Variants in CEP290 observed in about 807,000 individuals in gnomAD.
The protein encoded by CEP290 is centrosomal protein 290, also known as centrosomal protein of 290 kDa.
Under a neutral mutation model 344.9 loss-of-function variants are expected in CEP290, and 317 were observed. The observed-to-expected ratio is 0.92, with a 90% CI of 0.84 to 1.01. The LOEUF is 1.01. Among genes scored for constraint, CEP290 ranks in the 50% least tolerant of loss-of-function variants. The probability of loss-of-function intolerance (pLI) is 0.00; values close to 1 mark genes in which losing one functional copy is unlikely to be tolerated. For synonymous variants in CEP290, 932 were observed against 895.8 expected (o/e 1.04, Z -0.72); for missense variants, 2,754 against 2,761.4 (o/e 1.00, Z 0.06).
chr12:88,140,038 G>A (rs1001239043), intron 3 of CEP290, among the ~76,000 whole-genome samples: 7 of 152,100 alleles, frequency 4.6e-5, no homozygotes, highest in African/African-American at 1.2e-4. Context: ...TTACAGACGT[G>A]AGCCACCATG....
At chr12:88,139,611 G>A (rs2040528902) in intron 3 of CEP290, 47 bp from the exon 4 acceptor site, 4 of 1,311,328 alleles carry the variant, frequency 3.1e-6, no homozygotes, top group Admixed American at 5.4e-5. Context: ...ATACTGGAAT[G>A]TAAGCACTGA....
In CEP290 at chr12:88,093,740, A is replaced by G. The variant is rs1186484425; in HGVS notation, c.3309+30T>C. 3 of 1,482,998 alleles carry G rather than the reference A, an allele frequency of 2.0e-6. No homozygotes were observed. The South Asian group carries it at 3.6e-5, about 18-fold the overall frequency. The allele number at this position is 1,482,998 out of a possible 1,614,324, so 91.9% of individuals were successfully genotyped here. ...TACCAAAACTAATTCTTTATTCTAT[A>G]ATTGTATGATAAAACTTATAATATC... On this transcript the variant is annotated intron_variant, in intron 28 of 53. Transcript: ENST00000552810.
chr12:88,086,508 G>A lies in CEP290; in HGVS notation c.4195-10C>T. 2 of 1,569,620 alleles carry A rather than the reference G, an allele frequency of 1.3e-6. No individual in the cohort carries two copies. Among genetic ancestry groups the A allele is most frequent in the Non-Finnish European group, 1.7e-6 (2 of 1,153,662 alleles). ...GTCTTTCTTCATGAAACTAAAAAAA[G>A]GACAATTTGTGTCAGACACATACAC... On this transcript the variant is annotated splice_polypyrimidine_tract_variant and intron_variant, in intron 32 of 53. Coordinates refer to ENST00000552810, the MANE Select transcript of CEP290 (RefSeq NM_025114.4).
chr12:88,116,861 C>G (rs1398985850), intron 18 of CEP290, among the ~76,000 whole-genome samples, 172 bp downstream of exon 18: 2 of 151,312 alleles, frequency 1.3e-5, no homozygotes, highest in African/African-American at 4.9e-5. Context: ...GTAGTCCCAG[C>G]TACTTGGGAG....
intron 13 of CEP290, among the ~76,000 whole-genome samples, chr12:88,122,048 T>C (rs1302732549): frequency 6.6e-6 from 1 of 152,174 alleles, no homozygotes; most frequent in African/African-American, 2.4e-5. Flanking sequence ...TATAAGCATT[T>C]ACTAATATAT....
intron 45 of CEP290, among the ~76,000 whole-genome samples, chr12:88,063,537 A>G (rs1227561992): frequency 6.6e-6 from 1 of 151,758 alleles, no homozygotes; most frequent in East Asian, 1.9e-4. Context: ...TATCTGTATG[A>G]CTCACTTCCT....
rs750741976 is a variant in CEP290, at chr12:88,071,406, T to C, written c.5899A>G (p.Thr1967Ala). 2 of 1,611,530 alleles carry C rather than the reference T, an allele frequency of 1.2e-6. No homozygotes were observed. Among genetic ancestry groups the C allele is most frequent in the Non-Finnish European group, 8.5e-7 (1 of 1,179,018 alleles). Residue 1967 changes from threonine to alanine, a missense_variant, in exon 43 of 54, where the codon ACT (threonine) becomes GCT (alanine). Thr to Ala is a moderately conservative substitution (Grantham distance 58, BLOSUM62 0). Coordinates refer to ENST00000552810, the MANE Select transcript of CEP290 (RefSeq NM_025114.4). The part of the protein sequence containing the change: ...KLTLQRKLKT[T>A]GMTVDQVLGI... ...AAAACCTGATCAACAGTCATGCCAG[T>C]TGTTTTTAGTTTCCTCTGCAAAGTA...
chr12:88,136,519 A>C, intron 6 of CEP290, 124 bp downstream of exon 6: 1 of 929,234 alleles, frequency 1.1e-6, no homozygotes, highest in Non-Finnish European at 1.7e-6. Context: ...ATAAAACCTT[A>C]GAGATAAGTG....
At chr12:88,112,121 C>T (rs1377934347) in intron 20 of CEP290, among the ~76,000 whole-genome samples, 3 of 151,968 alleles carry the variant, frequency 2.0e-5, no homozygotes, top group African/African-American at 7.2e-5. Context: ...GAAAAACAAC[C>T]AGACGGGAAT....
At chr12:88,131,727 A>G (rs1223735869) in intron 6 of CEP290, among the ~76,000 whole-genome samples, 2 of 152,228 alleles carry the variant, frequency 1.3e-5, no homozygotes, top group African/African-American at 2.4e-5. Context: ...AGGATTAAAC[A>G]GTTTCATTTT....
intron 53 of CEP290, chr12:88,049,640 C>CTT (rs1319921920): frequency 2.7e-6 from 1 of 367,478 alleles, no homozygotes; most frequent in Non-Finnish European, 4.9e-6. Context: ...GTGTTCTAGT[C>CTT]TTTGACTAAA....
At chr12:88,068,879 A>C (rs572994277) in intron 43 of CEP290, among the ~76,000 whole-genome samples, 2 of 152,300 alleles carry the variant, frequency 1.3e-5, no homozygotes, top group Admixed American at 1.3e-4. Flanking sequence ...ATGAGTCAAA[A>C]AGTATATTTT....
intron 27 of CEP290, among the ~76,000 whole-genome samples, chr12:88,095,720 T>C (rs1262182846): frequency 6.6e-6 from 1 of 152,150 alleles, no homozygotes; most frequent in Non-Finnish European, 1.5e-5. Context: ...ATAAAAACCT[T>C]GAATAGCTCT....
chr12:88,055,570 A>G lies in CEP290; in HGVS notation c.6960+6T>C, dbSNP rs2033930427. On this transcript the variant is annotated splice_donor_region_variant and intron_variant, in intron 50 of 53. Transcript: ENST00000552810. Reference sequence around the variant, plus strand: ...TTATCATGTAAAGAAAAATTACGTTACTTACCTGTTGTTCAAGGTCTTCAT... The same window carrying G: ...TTATCATGTAAAGAAAAATTACGTTGCTTACCTGTTGTTCAAGGTCTTCAT... 6.4e-7 allele frequency: 1 copy of G among 1,562,942 alleles called. No homozygotes were observed. The highest frequency in any genetic ancestry group is 1.4e-5 in the African/African-American group (1 of 73,320).
intron 27 of CEP290, among the ~76,000 whole-genome samples, chr12:88,095,357 T>C (rs574042303): frequency 6.6e-6 from 1 of 151,972 alleles, no homozygotes; most frequent in South Asian, 2.1e-4. Flanking sequence ...AACAAAGATA[T>C]AAGGGCAACA....
rs764602507 is a variant in CEP290 at position 88,121,174 on chromosome 12, G to A, written c.1190-8C>T. On this transcript the variant is annotated splice_region_variant and splice_polypyrimidine_tract_variant and intron_variant, in intron 13 of 53. Transcript: ENST00000552810. Reference sequence around the variant, plus strand: ...GAGAAAGGGTTGAAGCACCTACAGAGTAAAAACAAAAATCATGAATTGAAT... The same window carrying A: ...GAGAAAGGGTTGAAGCACCTACAGAATAAAAACAAAAATCATGAATTGAAT... 6.2e-6 allele frequency: 10 copies of A among 1,600,076 alleles called. No individual in the cohort carries two copies. Among genetic ancestry groups the A allele is most frequent in the Admixed American group, 1.7e-5 (1 of 57,620 alleles).
chr12:88,050,290 G>T, intron 53 of CEP290, 64 bp downstream of exon 53: 1 of 766,060 alleles, frequency 1.3e-6, no homozygotes, highest in Non-Finnish European at 2.2e-6. Flanking sequence ...GTTAAAGATG[G>T]TAATGAAAAT....
At chr12:88,113,719 T>C (rs920754812) in intron 20 of CEP290, among the ~76,000 whole-genome samples, 9 of 152,094 alleles carry the variant, frequency 5.9e-5, no homozygotes, top group African/African-American at 1.9e-4. Flanking sequence ...TCCTGTGAAA[T>C]TCTCAAGTCC....
intron 44 of CEP290, among the ~76,000 whole-genome samples, chr12:88,065,525 G>A (rs1454900331): frequency 6.6e-6 from 1 of 152,164 alleles, no homozygotes; most frequent in Non-Finnish European, 1.5e-5. Flanking sequence ...GTTTATAAGT[G>A]AAGGCATTAG....
Sources: gnomAD v4.1 joint callset for allele counts (sites outside exome capture counted in the v4.1 genomes callset) on GRCh38, gnomAD v4.1.1 for gene constraint, MANE v1.5 for transcripts, NCBI Gene and HGNC (gene_info 2026-07-23, HGNC 2026-07-21) for gene names.